Variants in MINK1 observed in about 807,000 individuals in gnomAD.
The protein encoded by MINK1 is misshapen-like kinase 1.
In MINK1, 46 loss-of-function variants were observed where a neutral mutation model predicts 178.4. That is an observed-to-expected ratio of 0.26 (90% CI 0.20 to 0.33). The LOEUF (loss-of-function observed/expected upper bound fraction) is 0.33. MINK1 is among the 10% of genes least tolerant of loss of function. MINK1 has a pLI of 1.00. For synonymous variants in MINK1, 797 were observed against 709.7 expected (o/e 1.12, Z -1.96); for missense variants, 1,366 against 1,814.9 (o/e 0.75, Z 4.49).
chr17:4,872,588 T>G (rs564074042), intron 1 of MINK1, among the ~76,000 whole-genome samples: 1 of 152,108 alleles, frequency 6.6e-6, no homozygotes, highest in African/African-American at 2.4e-5. Context: ...TTGACCAACA[T>G]GGTAAAACCC....
At chr17:4,864,114 T>C (rs1194008597) in intron 1 of MINK1, among the ~76,000 whole-genome samples, 2 of 150,972 alleles carry the variant, frequency 1.3e-5, no homozygotes, top group African/African-American at 4.9e-5. Flanking sequence ...TAAAGGGCTA[T>C]GGGGGCCAGG....
intron 1 of MINK1, chr17:4,870,915 T>C (rs575064162): frequency 3.1e-5 from 5 of 162,320 alleles, no homozygotes; most frequent in African/African-American, 1.2e-4. Flanking sequence ...ACTATCTAAT[T>C]TCAGAACCTT....
chr17:4,886,995 G>A lies in MINK1; in HGVS notation c.950-115G>A, dbSNP rs973184938. 21 of 1,118,248 alleles carry A rather than the reference G, an allele frequency of 1.9e-5. No homozygotes were observed. In the African/African-American group the frequency reaches 2.9e-4, roughly 16 times the overall value. 69.3% of individuals were successfully genotyped at this position (1,118,248 alleles called of 1,614,324 possible). On this transcript the variant is annotated intron_variant, in intron 10 of 31. Coordinates refer to ENST00000355280, the MANE Select transcript of MINK1 (RefSeq NM_153827.5). This position sits in a 1 kb window ranked among gnomAD's most constrained non-coding sequence, Gnocchi z 6.1. ...TCCCATTGCCCCCAGGAAGTGGGTG[G>A]GGCCCCTCATGCTTGCCCAGCCAGA...
At position 4,885,415 on chromosome 17, in the gene MINK1, C is replaced by G. The variant is rs1017670951; in HGVS notation, c.509-68C>G. 2.5e-6 allele frequency: 4 copies of G among 1,584,608 alleles called. No individual in the cohort carries two copies. Among genetic ancestry groups the G allele is most frequent in the East Asian group, 2.2e-5 (1 of 44,706 alleles). ...GGCTCAGGCAAGTCCTGTGTGTGCA[C>G]GCAGGGATGTGAGGCAAGGGAGCAG... On this transcript the variant is annotated intron_variant, in intron 6 of 31. Transcript: ENST00000355280. The surrounding 1 kb of genome is among the most constrained non-coding windows in gnomAD (Gnocchi z 5.0).
rs966967353 is a variant in MINK1, at chr17:4,879,774, C to T, written c.124-1210C>T. On this transcript the variant is annotated intron_variant, in intron 2 of 31. Coordinates refer to ENST00000355280, the MANE Select transcript of MINK1 (RefSeq NM_153827.5). The stretch of plus-strand genomic sequence containing the variant: ...TTCCCACTAGGGCTGGTGACAGGAG[C>T]ATTAGCACATGTCGGCGGGCCCCTC... Among the ~76,000 whole-genome samples, 28 of 152,212 alleles carry T rather than the reference C, an allele frequency of 1.8e-4. 1 individual carries two copies. Among genetic ancestry groups the T allele is most frequent in the African/African-American group, 6.8e-4 (28 of 41,454 alleles).
Position 4,887,321 on chromosome 17 carries a change from C to T in MINK1, c.1019+142C>T. 2.2e-6 allele frequency: 2 copies of T among 893,118 alleles called. No individual in the cohort carries two copies. Among genetic ancestry groups the T allele is most frequent in the South Asian group, 1.6e-5 (1 of 62,538 alleles). The allele number at this position is 893,118 out of a possible 1,614,324, so 55.3% of individuals were successfully genotyped here. On this transcript the variant is annotated intron_variant, in intron 11 of 31. Transcript: ENST00000355280. The surrounding 1 kb of genome is among the most constrained non-coding windows in gnomAD (Gnocchi z 7.6). ...CTCCTGGAAACCAAATTTCTGAGTG[C>T]TAAGAAGTGGAACCAATGACTGAGC...
chr17:4,833,772 C>G lies in MINK1; in HGVS notation c.57+132C>G, dbSNP rs942127129. 1.5e-6 allele frequency: 1 copy of G among 682,654 alleles called. No homozygotes were observed. Among genetic ancestry groups the G allele is most frequent in the Admixed American group, 4.2e-5 (1 of 24,058 alleles). The allele number at this position is 682,654 out of a possible 1,614,324, so 42.3% of individuals were successfully genotyped here. A position where few individuals can be genotyped will look rare whatever the true frequency, so the allele number is the denominator to read the frequency against. ...TTGGGTCCCCTTGGCGACCCGTGCC[C>G]CTTTCCCGGACTCCCGCCGCGGCTG... On this transcript the variant is annotated intron_variant, in intron 1 of 31. Coordinates refer to ENST00000355280, the MANE Select transcript of MINK1 (RefSeq NM_153827.5). The surrounding 1 kb of genome is among the most constrained non-coding windows in gnomAD (Gnocchi z 4.8).
At chr17:4,875,552 C>A in intron 1 of MINK1, 1 of 448,078 alleles carries the variant, frequency 2.2e-6, no homozygotes, top group Non-Finnish European at 4.5e-6. Flanking sequence ...GTGGGTGGAT[C>A]ACCTGAGGTC....
intron 1 of MINK1, among the ~76,000 whole-genome samples, chr17:4,856,563 T>C (rs1913187863): frequency 6.6e-6 from 1 of 152,112 alleles, no homozygotes; most frequent in African/African-American, 2.4e-5. Flanking sequence ...GGAACCTCCA[T>C]GACGTGACAG....
Position 4,895,687 on chromosome 17 carries a change from C to G in MINK1, c.3230-11C>G. ...AATGGGGGCGGGTGTGTATGTCTGTCCGTCCCTCAGGGAAAAGGAACAAAC... is the reference window on the plus strand; with the variant it reads ...AATGGGGGCGGGTGTGTATGTCTGTGCGTCCCTCAGGGAAAAGGAACAAAC... On this transcript the variant is annotated splice_polypyrimidine_tract_variant and intron_variant, in intron 26 of 31. Transcript: ENST00000355280. This position sits in a 1 kb window ranked among gnomAD's most constrained non-coding sequence, Gnocchi z 4.3. The G allele has an allele frequency of 6.2e-7, 1 of 1,612,264 alleles. No individual in the cohort carries two copies. The highest frequency in any genetic ancestry group is 8.5e-7 in the Non-Finnish European group (1 of 1,179,206).
intron 1 of MINK1, among the ~76,000 whole-genome samples, chr17:4,858,301 G>A (rs1460036087): frequency 1.3e-5 from 2 of 151,916 alleles, no homozygotes; most frequent in African/African-American, 4.8e-5. Context: ...TGGGAGGGGG[G>A]AGGGCCTCCC....
chr17:4,869,345 C>T (rs111403506), intron 1 of MINK1, among the ~76,000 whole-genome samples: 8,946 of 151,914 alleles, frequency 0.059, 825 homozygotes, highest in African/African-American at 0.2. Flanking sequence ...GGCACGATCT[C>T]GGCTCACTGT....
chr17:4,895,998 C>G lies in MINK1; in HGVS notation c.3365-5C>G. On this transcript the variant is annotated splice_region_variant and splice_polypyrimidine_tract_variant and intron_variant, in intron 27 of 31. Transcript: ENST00000355280. The surrounding 1 kb of genome is among the most constrained non-coding windows in gnomAD (Gnocchi z 4.3). ...CTCAGCATCCCTCTTCTCTCCCGCC[C>G]CCAGTGAAATACGAGCGGATTAAGT... 1 of 1,590,256 alleles carries G rather than the reference C, an allele frequency of 6.3e-7. No homozygotes were observed. Among genetic ancestry groups the G allele is most frequent in the Non-Finnish European group, 8.6e-7 (1 of 1,168,452 alleles).
rs1359480734 is a variant in MINK1 at position 4,833,871 on chromosome 17, G to A, written c.57+231G>A. On this transcript the variant is annotated intron_variant, in intron 1 of 31. Coordinates refer to ENST00000355280, the MANE Select transcript of MINK1 (RefSeq NM_153827.5). The surrounding 1 kb of genome is among the most constrained non-coding windows in gnomAD (Gnocchi z 4.8). The stretch of plus-strand genomic sequence containing the variant: ...GAGCCAGTTCGGTCCCCACCCTGTG[G>A]TGCCCCGCCCCCACACTTCCGTGCC... Among the ~76,000 whole-genome samples, 1 of 152,086 alleles carries A rather than the reference G, an allele frequency of 6.6e-6. No homozygotes were observed. The highest frequency in any genetic ancestry group is 1.5e-5 in the Non-Finnish European group (1 of 68,002).
Position 4,892,996 on chromosome 17 carries a change from A to G in MINK1, c.2329A>G (p.Ser777Gly), listed in dbSNP as rs763494249. Residue 777 changes from serine (S) to glycine (G), a missense_variant, in exon 20 of 32, where the codon AGC becomes GGC. Transcript: ENST00000355280. ...NRVGVSSKPD[S>G]SPVLSPGNKA... Reference sequence around the variant, plus strand: ...CCGTCCAGTCTCCTCCAAACCGGACAGCTCCCCTGTGCTCTCCCCTGGGAA... The same window carrying G: ...CCGTCCAGTCTCCTCCAAACCGGACGGCTCCCCTGTGCTCTCCCCTGGGAA... The G allele has an allele frequency of 1.9e-6, 3 of 1,577,144 alleles. No homozygotes were observed. The highest frequency in any genetic ancestry group is 2.7e-5 in the African/African-American group (2 of 73,548).
chr17:4,889,961 T>A (rs1448324079), intron 13 of MINK1, 198 bp downstream of exon 13: 1 of 579,868 alleles, frequency 1.7e-6, no homozygotes, highest in East Asian at 2.9e-5. Flanking sequence ...CCTGCCTCAT[T>A]CCCATCTCTT....
intron 1 of MINK1, among the ~76,000 whole-genome samples, chr17:4,869,732 T>C (rs1915606168): frequency 6.6e-6 from 1 of 151,252 alleles, no homozygotes; most frequent in Admixed American, 6.6e-5. Context: ...CCTTTCTCCA[T>C]ATCCTTGGCA....
rs375818535 is a variant in MINK1, at chr17:4,893,992, G to A, written c.2569G>A (p.Asp857Asn). 187 of 1,577,408 alleles carry A rather than the reference G, an allele frequency of 1.2e-4. 1 individual carries two copies. Among genetic ancestry groups the A allele is most frequent in the Non-Finnish European group, 1.5e-4 (175 of 1,162,332 alleles). The change falls in exon 22 of 32, where the codon GAT becomes AAT. Residue 857 changes from aspartate to asparagine, a missense_variant. By Grantham distance (23) the Asp-to-Asn change is conservative (BLOSUM62 1). Transcript: ENST00000355280. ...CCCCACCTTCCTCTCTCACAGCAGC[G>A]ATGGGGATACAGACAGCGTCAGCAC... ...GSRDTPGGRS[D>N]GDTDSVSTMV...
Position 4,889,639 on chromosome 17 carries a change from C to A in MINK1, c.1231-8C>A, listed in dbSNP as rs777694292. The A allele has an allele frequency of 4.5e-6, 7 of 1,572,366 alleles. No individual in the cohort carries two copies. In the South Asian group the frequency reaches 7.0e-5, roughly 16 times the overall value. On this transcript the variant is annotated splice_region_variant and splice_polypyrimidine_tract_variant and intron_variant, in intron 12 of 31. Coordinates refer to ENST00000355280, the MANE Select transcript of MINK1 (RefSeq NM_153827.5). ...ATGGTTCTTAAGACCACCTGGCTCT[C>A]CCCACAGCAACAGCGGCGGGAGCGG...
Sources: gnomAD v4.1 joint callset for allele counts (sites outside exome capture counted in the v4.1 genomes callset) on GRCh38, gnomAD v4.1.1 for gene constraint, Gnocchi (gnomAD v3.1) non-coding constraint, MANE v1.5 for transcripts, NCBI Gene and HGNC (gene_info 2026-07-23, HGNC 2026-07-21) for gene names.